The following BTBD9 variants were observed in gnomAD, a reference collection of about 807,000 sequenced individuals.
BTBD9 encodes the protein BTB/POZ domain-containing protein 9.
BTBD9 carries 49 observed loss-of-function variants against 64.3 expected under a neutral mutation model. The observed-to-expected ratio is 0.76, with a 90% CI of 0.61 to 0.97. BTBD9 has a LOEUF of 0.97. Ranked by LOEUF, BTBD9 falls within the 50% of genes least tolerant of loss-of-function variation. The pLI is 0.00. For missense variants in BTBD9, 598 were observed against 762.1 expected, an observed-to-expected ratio of 0.78 and a Z score of 2.53; for synonymous variants, 260 against 274.7, an observed-to-expected ratio of 0.95 and a Z score of 0.53.
At chr6:38,302,633 T>C (rs1468332059) in intron 7 of BTBD9, among the ~76,000 whole-genome samples, 1 of 151,404 alleles carries the variant, frequency 6.6e-6, no homozygotes, top group Non-Finnish European at 1.5e-5. Flanking sequence ...ATCTCTGTCA[T>C]AGATTTCATT....
rs537899237 is a variant in BTBD9 at position 38,477,658 on chromosome 6, T to C, written c.1154+99942A>G. ...CTGATTTTATTTTCTGTCACCCTAG[T>C]GTTATCATAACTTAATGCTATCAGG... On this transcript the variant is annotated intron_variant, in intron 6 of 10. Coordinates refer to ENST00000481247, the MANE Select transcript of BTBD9 (RefSeq NM_001099272.2). Among the ~76,000 whole-genome samples, 10 of 152,348 alleles carry C rather than the reference T, an allele frequency of 6.6e-5. No homozygotes were observed. The East Asian group carries it at 1.7e-3, about 26-fold the overall frequency.
At chr6:38,311,719 T>C (rs1346461358) in intron 7 of BTBD9, among the ~76,000 whole-genome samples, 1 of 152,254 alleles carries the variant, frequency 6.6e-6, no homozygotes, top group Non-Finnish European at 1.5e-5. Flanking sequence ...GGGTTCCCTT[T>C]TCCCCACATC....
At chr6:38,447,789 T>C (rs187683782) in intron 6 of BTBD9, among the ~76,000 whole-genome samples, 2 of 152,348 alleles carry the variant, frequency 1.3e-5, no homozygotes, top group Admixed American at 1.3e-4. Context: ...ACAATGTAGT[T>C]TATCATGTCA....
chr6:38,518,173 C>T (rs1373839798), intron 6 of BTBD9, among the ~76,000 whole-genome samples: 1 of 152,042 alleles, frequency 6.6e-6, no homozygotes, highest in Middle Eastern at 3.2e-3. Context: ...GTGCCCCCCA[C>T]CCCCGAACCA....
chr6:38,575,083 G>A (rs558028678), intron 6 of BTBD9, among the ~76,000 whole-genome samples: 1 of 152,236 alleles, frequency 6.6e-6, no homozygotes, highest in Non-Finnish European at 1.5e-5. Context: ...TCAGTTTCCT[G>A]AAGAAAAAAC....
At chr6:38,471,638 G>A (rs547013093) in intron 6 of BTBD9, among the ~76,000 whole-genome samples, 1 of 152,216 alleles carries the variant, frequency 6.6e-6, no homozygotes, top group Admixed American at 6.5e-5. Context: ...CTCCATCTCA[G>A]CCTCCCAAAG....
intron 6 of BTBD9, among the ~76,000 whole-genome samples, chr6:38,432,037 A>G (rs1443851862): frequency 1.4e-4 from 22 of 151,916 alleles, no homozygotes; most frequent in Admixed American, 1.4e-3. Context: ...GCTCTTTCAG[A>G]TGAATTCTGG....
At chr6:38,607,212 A>T (rs1163231910) in intron 1 of BTBD9, among the ~76,000 whole-genome samples, 1 of 152,204 alleles carries the variant, frequency 6.6e-6, no homozygotes, top group East Asian at 1.9e-4. Context: ...ACAAATATGC[A>T]TCAATATATA....
chr6:38,348,499 T>C lies in BTBD9; in HGVS notation c.1155-3406A>G, dbSNP rs147682783. Among the ~76,000 whole-genome samples, 231 of 152,216 alleles carry C rather than the reference T, an allele frequency of 1.5e-3. 2 individuals are homozygous for C. The highest frequency in any genetic ancestry group is 0.011 in the South Asian group (52 of 4,812). ...AGGTCCTCAACAGCAGCTCAGACAG[T>C]TGGAAGATAATTAAAACTTAAACAG... On this transcript the variant is annotated intron_variant, in intron 6 of 10. Coordinates refer to ENST00000481247, the MANE Select transcript of BTBD9 (RefSeq NM_001099272.2).
At chr6:38,351,974 A>T (rs1428903722) in intron 6 of BTBD9, among the ~76,000 whole-genome samples, 2 of 152,220 alleles carry the variant, frequency 1.3e-5, no homozygotes, top group African/African-American at 2.4e-5. Context: ...TATAAAAATG[A>T]CATAAGATCT....
intron 7 of BTBD9, among the ~76,000 whole-genome samples, chr6:38,293,009 G>T (rs912768819): frequency 6.6e-6 from 1 of 152,016 alleles, no homozygotes; most frequent in Non-Finnish European, 1.5e-5. Flanking sequence ...AGAGATTCTG[G>T]TATGTTGTGT....
At position 38,593,225 on chromosome 6, in the gene BTBD9, C is replaced by T. The variant is rs73414305; in HGVS notation, c.550-385G>A. Among the ~76,000 whole-genome samples, 1,220 of 152,272 alleles carry T rather than the reference C, an allele frequency of 8.0e-3. 18 individuals carry two copies. The highest frequency in any genetic ancestry group is 0.028 in the African/African-American group (1,155 of 41,552). On this transcript the variant is annotated intron_variant, in intron 3 of 10. Coordinates refer to ENST00000481247, the MANE Select transcript of BTBD9 (RefSeq NM_001099272.2). ...TGGCATTTAAAATTCAAATTTTGTT[C>T]CACAGTATTACTTCACTACCATACT... is the stretch of plus-strand genomic sequence containing the variant.
intron 6 of BTBD9, among the ~76,000 whole-genome samples, chr6:38,562,851 T>TG (rs1562343437): frequency 2.0e-5 from 3 of 152,334 alleles, no homozygotes; most frequent in Admixed American, 2.0e-4. Context: ...GCTGGCTCAA[T>TG]GGGTGTATGC....
intron 6 of BTBD9, among the ~76,000 whole-genome samples, chr6:38,540,692 A>G (rs1774231173): frequency 6.6e-6 from 1 of 152,210 alleles, no homozygotes; most frequent in Non-Finnish European, 1.5e-5. Flanking sequence ...CAAACTTTAT[A>G]AAGATTTATA....
chr6:38,533,232 C>T (rs973893557), intron 6 of BTBD9, among the ~76,000 whole-genome samples: 2 of 151,948 alleles, frequency 1.3e-5, no homozygotes, highest in African/African-American at 4.8e-5. Flanking sequence ...ACATTCCATG[C>T]TAATGGAAAC....
At chr6:38,411,880 T>A (rs1277480330) in intron 6 of BTBD9, among the ~76,000 whole-genome samples, 1 of 152,050 alleles carries the variant, frequency 6.6e-6, no homozygotes, top group African/African-American at 2.4e-5. Flanking sequence ...GAGGTTACAA[T>A]GAGCCAAGAT....
At chr6:38,341,124 G>T (rs943922745) in intron 7 of BTBD9, among the ~76,000 whole-genome samples, 1 of 152,132 alleles carries the variant, frequency 6.6e-6, no homozygotes, top group East Asian at 1.9e-4. Context: ...GATTTAAAGA[G>T]ATTAAAGAAT....
intron 1 of BTBD9, among the ~76,000 whole-genome samples, chr6:38,632,079 G>C (rs1369653307): frequency 6.6e-6 from 1 of 152,114 alleles, no homozygotes; most frequent in Non-Finnish European, 1.5e-5. Flanking sequence ...TGTGAGCCGA[G>C]ATCGTGCCAC....
chr6:38,328,564 CGTGTGTGT>C (rs201357884), intron 7 of BTBD9, among the ~76,000 whole-genome samples: 1,670 of 130,432 alleles, frequency 0.013, 20 homozygotes, highest in Middle Eastern at 0.06. Flanking sequence ...TTTAAGCCAC[CGTGTGTGT>C]GTGTGTGTGT....
Sources: gnomAD v4.1 joint callset for allele counts (sites outside exome capture counted in the v4.1 genomes callset) on GRCh38, gnomAD v4.1.1 for gene constraint, MANE v1.5 for transcripts, NCBI Gene and HGNC (gene_info 2026-07-23, HGNC 2026-07-21) for gene names.